The following MOK variants were observed in gnomAD, a reference collection of about 807,000 sequenced individuals.
MOK encodes MOK protein kinase.
Under a neutral mutation model 54.2 loss-of-function variants are expected in MOK, and 59 were observed. The ratio of observed to expected loss-of-function variants is 1.09; its 90% CI spans 0.88 to 1.35. The LOEUF (loss-of-function observed/expected upper bound fraction) is 1.35, where lower values mean the gene tolerates loss of function less well. Ranked by LOEUF, MOK falls within the 40% of genes most tolerant of loss-of-function variation. The pLI is 0.00. For synonymous variants in MOK, 210 were observed against 202.7 expected (o/e 1.04, Z -0.31); for missense variants, 517 against 526.2 (o/e 0.98, Z 0.17).
intron 4 of MOK, among the ~76,000 whole-genome samples, chr14:102,253,450 C>T (rs2066690386): frequency 6.6e-6 from 1 of 152,234 alleles, no homozygotes. Flanking sequence ...TTAGGAGTCA[C>T]TCGTCAACCC....
intron 4 of MOK, among the ~76,000 whole-genome samples, chr14:102,262,344 G>C (rs910584311): frequency 1.3e-5 from 2 of 152,028 alleles, no homozygotes; most frequent in African/African-American, 4.8e-5. Context: ...GTAGAGACAG[G>C]GTTTCACCTT....
In MOK at chr14:102,245,265, C is replaced by T. The variant is rs2066005151; in HGVS notation, c.590+5547G>A. On this transcript the variant is annotated intron_variant, in intron 7 of 11. Coordinates refer to ENST00000361847, the MANE Select transcript of MOK (RefSeq NM_014226.3). The surrounding 1 kb of genome is among the most constrained non-coding windows in gnomAD (Gnocchi z 4.3). ...TCTCTCCCACTCCAGGTTCCCACGC[C>T]ACCCCTAATCCCACTCGAAGCAGCC... Among the ~76,000 whole-genome samples the T allele has an allele frequency of 6.6e-6, 1 of 152,192 alleles. No individual in the cohort carries two copies. Among genetic ancestry groups the T allele is most frequent in the South Asian group, 2.1e-4 (1 of 4,814 alleles).
chr14:102,298,979 G>A (rs2071812323), intron 1 of MOK, among the ~76,000 whole-genome samples: 2 of 152,150 alleles, frequency 1.3e-5, no homozygotes, highest in South Asian at 2.1e-4. Context: ...GAACCCACCA[G>A]AAGGAAGAAA....
Position 102,305,127 on chromosome 14 carries a change from A to G in MOK, c.-159T>C. 7 of 861,188 alleles carry G rather than the reference A, an allele frequency of 8.1e-6. No homozygotes were observed. The highest frequency in any genetic ancestry group is 1.1e-5 in the Non-Finnish European group (6 of 530,424). 53.3% of individuals were successfully genotyped at this position (861,188 alleles called of 1,614,324 possible). A position where few individuals can be genotyped will look rare whatever the true frequency, so the allele number is the denominator to read the frequency against. ...GGAGAGCGTTAGAGATCCCGCCGCC[A>G]TGTTGTGTCCCTGTCACCCTAGCAA... On this transcript the variant is annotated 5_prime_UTR_variant, in exon 1 of 12. The change abolishes an upstream ATG in the 5' untranslated region. Transcript: ENST00000361847.
downstream of MOK, among the ~76,000 whole-genome samples, chr14:102,222,416 G>A (rs369229887): frequency 3.9e-5 from 6 of 152,222 alleles, no homozygotes; most frequent in East Asian, 1.9e-4. This position sits in a 1 kb window ranked among gnomAD's most constrained non-coding sequence, Gnocchi z 4.4. Flanking sequence ...CCCTGGCTCC[G>A]AGGGACTGGG....
Position 102,235,408 on chromosome 14 carries a change from G to C in MOK, c.591-1619C>G, listed in dbSNP as rs2065131900. On this transcript the variant is annotated intron_variant, in intron 7 of 11. Transcript: ENST00000361847. The surrounding 1 kb of genome is among the most constrained non-coding windows in gnomAD (Gnocchi z 4.4). ...TATTTTGTCTTCTACCCTCCTTCCG[G>C]AAGAAAAGGAAAGAGTGTGGCTTGC... The C allele has an allele frequency of 6.6e-6, 1 of 152,200 alleles. No individual in the cohort carries two copies. Among genetic ancestry groups the C allele is most frequent in the African/African-American group, 2.4e-5 (1 of 41,440 alleles). 9.4% of individuals were successfully genotyped at this position (152,200 alleles called of 1,614,324 possible). A position where few individuals can be genotyped will look rare whatever the true frequency, so the allele number is the denominator to read the frequency against.
intron 6 of MOK, 24 bp from the exon 7 acceptor site, chr14:102,251,014 CAAGT>C: frequency 6.2e-7 from 1 of 1,610,612 alleles, no homozygotes; most frequent in Non-Finnish European, 8.5e-7. Context: ...GAAGCAAGGA[CAAGT>C]AACATCCCAT....
rs114717032 is a variant in MOK at position 102,250,124 on chromosome 14, T to A, written c.590+688A>T. Among the ~76,000 whole-genome samples the A allele has an allele frequency of 4.6e-3, 704 of 152,308 alleles. 6 individuals carry two copies. Among genetic ancestry groups the A allele is most frequent in the African/African-American group, 0.016 (653 of 41,560 alleles). ...GAACCATCTGGATCAAAGGAGAGTATGTCCTGAAGTGCATTTCTGTAGCAG... is the reference window on the plus strand; with the variant it reads ...GAACCATCTGGATCAAAGGAGAGTAAGTCCTGAAGTGCATTTCTGTAGCAG... On this transcript the variant is annotated intron_variant, in intron 7 of 11. Coordinates refer to ENST00000361847, the MANE Select transcript of MOK (RefSeq NM_014226.3).
chr14:102,286,717 T>C (rs1175135201), intron 1 of MOK, among the ~76,000 whole-genome samples: 1 of 152,080 alleles, frequency 6.6e-6, no homozygotes, highest in Admixed American at 6.6e-5. Context: ...CATAGGAAAC[T>C]GGATTAATAT....
intron 2 of MOK, among the ~76,000 whole-genome samples, chr14:102,282,295 G>A (rs570588665): frequency 6.6e-6 from 1 of 152,192 alleles, no homozygotes; most frequent in East Asian, 1.9e-4. Flanking sequence ...TAGTGGCTCA[G>A]GCTGAGCGTG....
chr14:102,239,531 G>T (rs2065530350), intron 7 of MOK, among the ~76,000 whole-genome samples: 1 of 150,618 alleles, frequency 6.6e-6, no homozygotes, highest in African/African-American at 2.4e-5. Context: ...CCACATAAAG[G>T]CCTCACTGAC....
intron 4 of MOK, among the ~76,000 whole-genome samples, chr14:102,261,161 G>A (rs562526458): frequency 6.6e-6 from 1 of 150,382 alleles, no homozygotes; most frequent in East Asian, 2.0e-4. Context: ...GGAGGCACAA[G>A]CAGGAGAATC....
rs114723637 is a variant in MOK, at chr14:102,234,023, C to T, written c.591-234G>A. 2,015 of 449,418 alleles carry T rather than the reference C, an allele frequency of 4.5e-3. 46 individuals are homozygous for T. Among genetic ancestry groups the T allele is most frequent in the African/African-American group, 0.037 (1,845 of 50,392 alleles). The allele number at this position is 449,418 out of a possible 1,614,324, so 27.8% of individuals were successfully genotyped here. On this transcript the variant is annotated intron_variant, in intron 7 of 11. Transcript: ENST00000361847. ...CGGGATGTGACCATACCGAAGAACT[C>T]CCTCAAACTCCCTTCCCCAATATAA...
intron 4 of MOK, among the ~76,000 whole-genome samples, 154 bp from the exon 5 acceptor site, chr14:102,252,149 C>T (rs1186129903): frequency 1.3e-5 from 2 of 151,982 alleles, no homozygotes; most frequent in Non-Finnish European, 2.9e-5. Context: ...ATGTAGTGTG[C>T]CTACAAAACA....
chr14:102,220,763 G>T (rs999242727), downstream of MOK, among the ~76,000 whole-genome samples: 4 of 151,344 alleles, frequency 2.6e-5, no homozygotes, highest in African/African-American at 9.7e-5. The surrounding 1 kb of genome is among the most constrained non-coding windows in gnomAD (Gnocchi z 4.2). Flanking sequence ...AATGTCACTT[G>T]TTTTTATTAT....
intron 7 of MOK, among the ~76,000 whole-genome samples, chr14:102,241,638 A>G (rs1271250624): frequency 6.6e-6 from 1 of 152,188 alleles, no homozygotes; most frequent in Non-Finnish European, 1.5e-5. Context: ...GCATTTTATT[A>G]CCCAATCTGC....
chr14:102,291,807 A>T (rs1222072593), intron 1 of MOK, among the ~76,000 whole-genome samples: 1 of 151,772 alleles, frequency 6.6e-6, no homozygotes, highest in Non-Finnish European at 1.5e-5. Context: ...AAATACAAAA[A>T]ATTTTCCAGG....
chr14:102,250,697 A>C, intron 7 of MOK, 115 bp downstream of exon 7: 1 of 1,080,132 alleles, frequency 9.3e-7, no homozygotes, highest in Non-Finnish European at 1.3e-6. Context: ...AAAACAGTAA[A>C]ACAGAAAGAA....
chr14:102,229,230 AGGCCTGGCCC>A lies in MOK; in HGVS notation c.*49_*58del, dbSNP rs532119634. 2,846 of 1,500,488 alleles carry A rather than the reference AGGCCTGGCCC, an allele frequency of 1.9e-3. 31 individuals are homozygous for A. Among genetic ancestry groups the A allele is most frequent in the South Asian group, 0.016 (1,236 of 77,512 alleles). 92.9% of individuals were successfully genotyped at this position (1,500,488 alleles called of 1,614,324 possible). ...GTGGCGTCTCAGCAGCAGATCACCC[AGGCCTGGCCC>A]GGTCGGGCTTGGTGTTGCCTCCGAA... On this transcript the variant is annotated 3_prime_UTR_variant, in exon 12 of 12. Transcript: ENST00000361847.
Sources: gnomAD v4.1 joint callset for allele counts (sites outside exome capture counted in the v4.1 genomes callset) on GRCh38, gnomAD v4.1.1 for gene constraint, Gnocchi (gnomAD v3.1) non-coding constraint, MANE v1.5 for transcripts, NCBI Gene and HGNC (gene_info 2026-07-23, HGNC 2026-07-21) for gene names.